Variants in KLF12 observed in about 807,000 individuals in gnomAD.
KLF12 encodes the protein Krueppel-like factor 12.
Under a neutral mutation model 37.8 loss-of-function variants are expected in KLF12, and 9 were observed. That is an observed-to-expected ratio of 0.24 (90% CI 0.14 to 0.42). KLF12 has a LOEUF of 0.42. Ranked by LOEUF, KLF12 falls within the 10% of genes least tolerant of loss-of-function variation. KLF12 has a pLI of 1.00. For missense variants in KLF12, 411 were observed against 516.0 expected (o/e 0.80, Z 1.97); for synonymous variants, 208 against 202.1 (o/e 1.03, Z -0.25).
chr13:73,941,567 C>T (rs1356962414), intron 3 of KLF12, among the ~76,000 whole-genome samples: 1 of 152,058 alleles, frequency 6.6e-6, no homozygotes, highest in African/African-American at 2.4e-5. Context: ...AAAAATAGTT[C>T]TAAGATTCTG....
intron 1 of KLF12, among the ~76,000 whole-genome samples, chr13:74,027,848 A>C (rs1893016488): frequency 6.6e-6 from 1 of 152,202 alleles, no homozygotes; most frequent in Non-Finnish European, 1.5e-5. Context: ...TGCATTAAAG[A>C]GTCTTTTTAA....
At chr13:74,163,921 T>G in the KLF12 span, among the ~76,000 whole-genome samples, 1 of 149,754 alleles carries the variant, frequency 6.7e-6, no homozygotes, top group Non-Finnish European at 1.5e-5. Flanking sequence ...AGTGACAGAA[T>G]AAGAAAGAAA....
chr13:73,866,287 GAC>G (rs1407576395), intron 3 of KLF12, among the ~76,000 whole-genome samples: 1 of 152,008 alleles, frequency 6.6e-6, no homozygotes, highest in East Asian at 1.9e-4. Flanking sequence ...AAACACACAA[GAC>G]ACACAGGAAA....
rs577899362 is a variant in KLF12 at position 73,725,675 on chromosome 13, A to G, written c.870-10150T>C. ...CTAATAGCCTCATTCTCTTGGTCAA[A>G]TATCACTATTCCATTTATAGGACTT... On this transcript the variant is annotated intron_variant, in intron 6 of 7. Coordinates refer to ENST00000377669, the MANE Select transcript of KLF12 (RefSeq NM_007249.5). 1.9e-4 allele frequency among the ~76,000 whole-genome samples: 29 copies of G among 151,892 alleles called. No homozygotes were observed. The East Asian group carries it at 5.6e-3, about 29-fold the overall frequency.
chr13:74,186,681 C>T, the KLF12 span, among the ~76,000 whole-genome samples: 5,120 of 152,058 alleles, frequency 0.034, 275 homozygotes, highest in African/African-American at 0.12. Flanking sequence ...AAAAAAATTC[C>T]TTTTGTTGTG....
chr13:74,127,868 A>T (rs1878031366), intron 1 of KLF12, among the ~76,000 whole-genome samples: 1 of 152,228 alleles, frequency 6.6e-6, no homozygotes, highest in East Asian at 1.9e-4. Flanking sequence ...AGCTTAATCA[A>T]CACAATCTTG....
chr13:73,936,751 G>C (rs1174258876), intron 3 of KLF12, among the ~76,000 whole-genome samples: 3 of 152,066 alleles, frequency 2.0e-5, no homozygotes, highest in Non-Finnish European at 4.4e-5. Context: ...CACGTTTTCT[G>C]CTCTCCTCTC....
At chr13:74,035,580 C>A (rs1210272524) in intron 1 of KLF12, among the ~76,000 whole-genome samples, 1 of 152,096 alleles carries the variant, frequency 6.6e-6, no homozygotes, top group Non-Finnish European at 1.5e-5. Context: ...TGAAGCCAAA[C>A]AAAAAGCTGG....
intron 7 of KLF12, among the ~76,000 whole-genome samples, chr13:73,700,734 T>TA (rs575199210): frequency 9.8e-4 from 148 of 151,750 alleles, no homozygotes; most frequent in African/African-American, 2.2e-3. Context: ...AGTATTTCAT[T>TA]AAAAAAAACA....
chr13:73,704,262 G>A (rs1874763814), intron 7 of KLF12, among the ~76,000 whole-genome samples: 1 of 152,148 alleles, frequency 6.6e-6, no homozygotes, highest in South Asian at 2.1e-4. Context: ...GCGCCAGAGA[G>A]GGAGACAGGA....
At chr13:74,152,194 A>G in the KLF12 span, among the ~76,000 whole-genome samples, 1 of 152,230 alleles carries the variant, frequency 6.6e-6, no homozygotes, top group Non-Finnish European at 1.5e-5. Flanking sequence ...CAGATTTACT[A>G]AGCCATTTTT....
the KLF12 span, among the ~76,000 whole-genome samples, chr13:74,205,509 G>A: frequency 6.6e-6 from 1 of 152,100 alleles, no homozygotes; most frequent in African/African-American, 2.4e-5. Flanking sequence ...ATTGAGTAAA[G>A]AAAAATATTA....
chr13:74,179,990 G>T, the KLF12 span, among the ~76,000 whole-genome samples: 2 of 152,184 alleles, frequency 1.3e-5, no homozygotes, highest in South Asian at 4.1e-4. Flanking sequence ...AGAGCATGAA[G>T]AAATATCATA....
chr13:74,241,614 T>G, the KLF12 span, among the ~76,000 whole-genome samples: 1 of 152,138 alleles, frequency 6.6e-6, no homozygotes, highest in Non-Finnish European at 1.5e-5. Flanking sequence ...TCCGTGGGCG[T>G]AGGACCCTCC....
chr13:73,728,850 C>G (rs1876854095), intron 6 of KLF12, among the ~76,000 whole-genome samples: 3 of 152,154 alleles, frequency 2.0e-5, no homozygotes, highest in Admixed American at 1.3e-4. Flanking sequence ...ATAAGGGATA[C>G]TGGCATGTAG....
chr13:73,932,207 A>C (rs1364339002), intron 3 of KLF12, among the ~76,000 whole-genome samples: 1 of 152,226 alleles, frequency 6.6e-6, no homozygotes, highest in Non-Finnish European at 1.5e-5. Flanking sequence ...TTTGAGAGTT[A>C]AAATCAGTCA....
At chr13:73,825,045 G>A (rs1883759049) in intron 4 of KLF12, among the ~76,000 whole-genome samples, 1 of 151,352 alleles carries the variant, frequency 6.6e-6, no homozygotes, top group African/African-American at 2.4e-5. Flanking sequence ...TTCCAGTCTG[G>A]GCAACAAGAG....
intron 6 of KLF12, among the ~76,000 whole-genome samples, chr13:73,725,662 T>C (rs1876605353): frequency 6.6e-6 from 1 of 151,502 alleles, no homozygotes; most frequent in South Asian, 2.1e-4. Flanking sequence ...AATAGCCTCA[T>C]TCTCTTGGTC....
intron 5 of KLF12, among the ~76,000 whole-genome samples, chr13:73,810,646 G>GACACACACACACACACAC (rs71927679): frequency 1.3e-5 from 2 of 150,888 alleles, no homozygotes; most frequent in East Asian, 2.0e-4. Context: ...TATTTATAAA[G>GACACACACACACACACAC]ACACACACAC....
Sources: gnomAD v4.1 joint callset for allele counts (sites outside exome capture counted in the v4.1 genomes callset) on GRCh38, gnomAD v4.1.1 for gene constraint, MANE v1.5 for transcripts, NCBI Gene and HGNC (gene_info 2026-07-23, HGNC 2026-07-21) for gene names.